DENND5B: variants seen among roughly 807,000 people sequenced by gnomAD.
The protein encoded by DENND5B is DENN domain-containing protein 5B.
DENND5B carries 34 observed loss-of-function variants against 140.6 expected under a neutral mutation model. That is an observed-to-expected ratio of 0.24 (90% confidence interval 0.18 to 0.32). The LOEUF (loss-of-function observed/expected upper bound fraction) is 0.32. Among genes scored for constraint, DENND5B ranks in the 10% least tolerant of loss-of-function variants. The probability of loss-of-function intolerance (pLI) is 1.00; values close to 1 mark genes in which losing one functional copy is unlikely to be tolerated. For synonymous variants in DENND5B, 551 were observed against 562.1 expected (o/e 0.98, Z 0.28); for missense variants, 1,142 against 1,560.2 (o/e 0.73, Z 4.52).
intron 1 of DENND5B, among the ~76,000 whole-genome samples, chr12:31,584,031 C>T (rs565882637): frequency 2.6e-5 from 4 of 152,194 alleles, no homozygotes; most frequent in South Asian, 2.1e-4. Context: ...TGTTTTCTTC[C>T]GTATGAAGCT....
chr12:31,536,204 T>A lies in DENND5B; in HGVS notation c.128-40285A>T, dbSNP rs569264573. ...GAAACATAGGCCAATTAAACCTCTT[T>A]TATTTATAAATTTCCCAGTCTCAGA... On this transcript the variant is annotated intron_variant, in intron 1 of 20. Transcript: ENST00000389082. 3.6e-4 allele frequency among the ~76,000 whole-genome samples: 55 copies of A among 152,222 alleles called. No homozygotes were observed. In the South Asian group the frequency reaches 4.6e-3, roughly 13 times the overall value.
chr12:31,402,692 C>T (rs760785542), intron 14 of DENND5B, 49 bp from the exon 15 acceptor site: 3 of 1,552,336 alleles, frequency 1.9e-6, no homozygotes, highest in Non-Finnish European at 1.7e-6. Context: ...TAAAATTCTC[C>T]TTATAACAAA....
At chr12:31,563,461 G>A (rs1377339630) in intron 1 of DENND5B, among the ~76,000 whole-genome samples, 1 of 152,168 alleles carries the variant, frequency 6.6e-6, no homozygotes, top group Non-Finnish European at 1.5e-5. Context: ...GAGAGTTAAT[G>A]TAAGAAGATC....
intron 4 of DENND5B, among the ~76,000 whole-genome samples, chr12:31,459,582 C>A (rs1236268561): frequency 6.6e-6 from 1 of 152,130 alleles, no homozygotes; most frequent in Non-Finnish European, 1.5e-5. Flanking sequence ...GTAATCCCAC[C>A]ACGCCTGGCC....
intron 8 of DENND5B, chr12:31,432,269 A>C: frequency 1.3e-5 from 3 of 228,080 alleles, no homozygotes; most frequent in Non-Finnish European, 1.5e-5. Context: ...GAGGGAAGGG[A>C]AGAAAATACA....
At chr12:31,425,774 A>G (rs994502154) in intron 9 of DENND5B, among the ~76,000 whole-genome samples, 12 of 152,232 alleles carry the variant, frequency 7.9e-5, no homozygotes, top group African/African-American at 2.2e-4. Context: ...ATAAATAAAT[A>G]AAATCATTAG....
intron 3 of DENND5B, among the ~76,000 whole-genome samples, chr12:31,475,320 T>C (rs1945748664): frequency 6.7e-6 from 1 of 148,158 alleles, no homozygotes; most frequent in Non-Finnish European, 1.5e-5. Flanking sequence ...CAGGATTCAC[T>C]CTGTTGTTCT....
At chr12:31,390,428 C>T (rs997445073) in intron 19 of DENND5B, among the ~76,000 whole-genome samples, 1 of 151,954 alleles carries the variant, frequency 6.6e-6, no homozygotes, top group South Asian at 2.1e-4. Context: ...CACCTGAGTT[C>T]GGGAGTTCGA....
At chr12:31,541,702 T>C (rs1213191143) in intron 1 of DENND5B, among the ~76,000 whole-genome samples, 2 of 152,218 alleles carry the variant, frequency 1.3e-5, no homozygotes, top group African/African-American at 4.8e-5. Flanking sequence ...CCTAGGTATA[T>C]ACCCAAAATA....
chr12:31,409,525 C>A (rs1360063196), intron 13 of DENND5B, 141 bp from the exon 14 acceptor site: 2 of 1,007,916 alleles, frequency 2.0e-6, no homozygotes, highest in Non-Finnish European at 2.6e-6. Context: ...GTTGCCCAGG[C>A]TGGAGTGCAA....
intron 13 of DENND5B, among the ~76,000 whole-genome samples, chr12:31,410,127 A>G (rs189225283): frequency 6.6e-6 from 1 of 152,346 alleles, no homozygotes; most frequent in Non-Finnish European, 1.5e-5. Context: ...AAAAGTGATG[A>G]CCAGTGTTGA....
intron 7 of DENND5B, among the ~76,000 whole-genome samples, chr12:31,436,302 T>C (rs532300570): frequency 3.1e-4 from 47 of 152,014 alleles, no homozygotes; most frequent in African/African-American, 1.1e-3. Flanking sequence ...GGTTTCATTA[T>C]GTTGGCCAGG....
At chr12:31,437,146 C>CTT (rs56299943) in intron 7 of DENND5B, among the ~76,000 whole-genome samples, 165 of 145,044 alleles carry the variant, frequency 1.1e-3, no homozygotes, top group African/African-American at 4.0e-3. Context: ...CTGCCCCCCC[C>CTT]TTTTTTTTTT....
chr12:31,590,853 G>GGCC lies in DENND5B; in HGVS notation c.-24_-22dup, dbSNP rs953735856. The GGCC allele has an allele frequency of 3.8e-4, 463 of 1,204,802 alleles. 1 individual carries two copies. Among genetic ancestry groups the GGCC allele is most frequent in the Non-Finnish European group, 4.4e-4 (432 of 973,596 alleles). The allele number at this position is 1,204,802 out of a possible 1,614,324, so 74.6% of individuals were successfully genotyped here. On this transcript the variant is annotated 5_prime_UTR_variant, in exon 1 of 21. Coordinates refer to ENST00000389082, the MANE Select transcript of DENND5B (RefSeq NM_144973.4). ...CTCATCCCGGCCGCGCTGCTCCAGG[G>GGCC]GCCGCCGCCGCCGCCGCCCGGGAAG...
chr12:31,583,292 T>C (rs925398136), intron 1 of DENND5B, among the ~76,000 whole-genome samples: 1 of 117,376 alleles, frequency 8.5e-6, no homozygotes, highest in Non-Finnish European at 1.7e-5. Flanking sequence ...ACTCAGTCTT[T>C]TAAAAAAAAA....
intron 2 of DENND5B, among the ~76,000 whole-genome samples, chr12:31,482,626 T>A (rs1432003775): frequency 6.6e-6 from 1 of 152,098 alleles, no homozygotes; most frequent in African/African-American, 2.4e-5. Context: ...TCACTCAGGA[T>A]GAAGTGCAGT....
intron 2 of DENND5B, among the ~76,000 whole-genome samples, chr12:31,487,584 C>T (rs1946359740): frequency 6.6e-6 from 1 of 152,088 alleles, no homozygotes; most frequent in African/African-American, 2.4e-5. Context: ...CACCTGTAGC[C>T]CCAGCTACCT....
Position 31,590,853 on chromosome 12 carries a change from GGCC to G in DENND5B, c.-24_-22del, listed in dbSNP as rs953735856. On this transcript the variant is annotated 5_prime_UTR_variant, in exon 1 of 21. Transcript: ENST00000389082. ...CTCATCCCGGCCGCGCTGCTCCAGG[GGCC>G]GCCGCCGCCGCCGCCCGGGAAGGCT... The G allele has an allele frequency of 1.4e-4, 170 of 1,203,862 alleles. No individual in the cohort carries two copies. Among genetic ancestry groups the G allele is most frequent in the Middle Eastern group, 6.6e-4 (2 of 3,014 alleles). 74.6% of individuals were successfully genotyped at this position (1,203,862 alleles called of 1,614,324 possible).
intron 14 of DENND5B, among the ~76,000 whole-genome samples, chr12:31,405,946 A>G (rs1038925915): frequency 3.9e-5 from 6 of 152,064 alleles, no homozygotes; most frequent in Non-Finnish European, 2.9e-5. Context: ...CCCGGGTTCA[A>G]GCGATTCTCC....
Sources: gnomAD v4.1 joint callset for allele counts (sites outside exome capture counted in the v4.1 genomes callset) on GRCh38, gnomAD v4.1.1 for gene constraint, MANE v1.5 for transcripts, NCBI Gene and HGNC (gene_info 2026-07-23, HGNC 2026-07-21) for gene names.